RASEF: variants seen among roughly 807,000 people sequenced by gnomAD.
RASEF encodes the protein RAS and EF-hand domain containing.
RASEF carries 68 observed loss-of-function variants against 90.1 expected under a neutral mutation model. The observed-to-expected ratio is 0.75, with a 90% CI of 0.62 to 0.92. The LOEUF is 0.92. RASEF is among the 40% of genes least tolerant of loss of function. The pLI, the probability that RASEF is intolerant of heterozygous loss-of-function variation, is 0.00. For missense variants in RASEF, 949 were observed against 937.2 expected, an observed-to-expected ratio of 1.01 and a Z score of -0.16; for synonymous variants, 331 against 345.2, an observed-to-expected ratio of 0.96 and a Z score of 0.46.
At chr9:83,216,136 T>G in the RASEF span, among the ~76,000 whole-genome samples, 1 of 152,188 alleles carries the variant, frequency 6.6e-6, no homozygotes, top group Non-Finnish European at 1.5e-5. Context: ...TCAGAAAATT[T>G]GCAGCCTGAC....
At chr9:82,983,124 C>T (rs1828646110) in intron 16 of RASEF, among the ~76,000 whole-genome samples, 2 of 134,520 alleles carry the variant, frequency 1.5e-5, no homozygotes, top group African/African-American at 3.1e-5. Context: ...CACACACACA[C>T]ACACACACAC....
chr9:83,011,550 CAAAAAAAAAAAAAA>C (rs71363083), intron 5 of RASEF, among the ~76,000 whole-genome samples: 25 of 28,108 alleles, frequency 8.9e-4, no homozygotes, highest in Admixed American at 1.9e-3. Context: ...GACTCCATCT[CAAAAAAAAAAAAAA>C]AAAAAAAAAA....
intron 1 of RASEF, 128 bp from the exon 2 acceptor site, chr9:83,026,049 C>A: frequency 1.4e-6 from 1 of 696,228 alleles, no homozygotes; most frequent in Non-Finnish European, 2.3e-6. Context: ...ACAGAATGAA[C>A]GGAAGGAAGG....
At chr9:82,990,612 C>T (rs944493139) in intron 15 of RASEF, 145 bp from the exon 16 acceptor site, 8 of 559,364 alleles carry the variant, frequency 1.4e-5, no homozygotes, top group Non-Finnish European at 2.5e-5. Flanking sequence ...TTCAGAGTTC[C>T]AGTACTTACA....
rs117584471 is a variant in RASEF, at chr9:83,020,404, A to T, written c.669+1932T>A. ...GAGCCATGTGGAATGGAAGGAAATG[A>T]GGGAAAAATCTTAGACTGGCCTGGG... On this transcript the variant is annotated intron_variant, in intron 3 of 16. Coordinates refer to ENST00000376447, the MANE Select transcript of RASEF (RefSeq NM_152573.4). Among the ~76,000 whole-genome samples the T allele has an allele frequency of 1.3e-3, 199 of 152,316 alleles. 4 individuals are homozygous for T. In the East Asian group the frequency reaches 0.031, roughly 23 times the overall value.
At chr9:83,175,889 G>A in the RASEF span, among the ~76,000 whole-genome samples, 1 of 152,174 alleles carries the variant, frequency 6.6e-6, no homozygotes, top group Non-Finnish European at 1.5e-5. Context: ...TATTTCAAAT[G>A]TACTGAAGCT....
the RASEF span, among the ~76,000 whole-genome samples, chr9:83,174,476 T>C: frequency 6.6e-6 from 1 of 152,168 alleles, no homozygotes; most frequent in African/African-American, 2.4e-5. Context: ...TTATTTCTGG[T>C]CTCTCTGTTC....
At position 83,048,531 on chromosome 9, in the gene RASEF, C is replaced by CA. The variant is rs998086032; in HGVS notation, c.431+13905dup. 9.4e-4 allele frequency: 832 copies of CA among 888,902 alleles called. 1 individual carries two copies. Among genetic ancestry groups the CA allele is most frequent in the South Asian group, 7.9e-3 (152 of 19,188 alleles). The allele number at this position is 888,902 out of a possible 1,614,324, so 55.1% of individuals were successfully genotyped here. ...TGCAGTCCTGGGCATACAGTGGATA[C>CA]AAAAAAAAAAGTTTAAGTGAAGGAA... is the stretch of plus-strand genomic sequence containing the variant. On this transcript the variant is annotated intron_variant, in intron 1 of 16. Transcript: ENST00000376447.
In RASEF at chr9:82,997,028, C is replaced by T. The variant is rs1030043632; in HGVS notation, c.1904G>A (p.Trp635Ter). 1.9e-6 allele frequency: 3 copies of T among 1,592,582 alleles called. No individual in the cohort carries two copies. Among genetic ancestry groups the T allele is most frequent in the Admixed American group, 1.7e-5 (1 of 59,992 alleles). The part of the protein sequence containing the change: ...CEKSFLNIRE[W>*]VDMIEDAAHE... Reference sequence around the variant, plus strand: ...ATTTCTTACCTCAATCATATCTACCCATTCTCGTATGTTAAGAAAGCTTTT... The same window carrying T: ...ATTTCTTACCTCAATCATATCTACCTATTCTCGTATGTTAAGAAAGCTTTT... Residue 635 changes from tryptophan to a stop codon, truncating the protein, a stop_gained, in exon 14 of 17, where the codon TGG becomes TAG. Transcript: ENST00000376447. LOFTEE classifies it high-confidence loss of function.
the RASEF span, among the ~76,000 whole-genome samples, chr9:83,195,480 C>T: frequency 1.3e-5 from 2 of 152,262 alleles, no homozygotes; most frequent in East Asian, 1.9e-4. Context: ...GTCAACCCAT[C>T]ATTCACTCAT....
intron 1 of RASEF, among the ~76,000 whole-genome samples, chr9:83,036,490 A>G (rs1297049994): frequency 6.6e-6 from 1 of 152,242 alleles, no homozygotes; most frequent in African/African-American, 2.4e-5. Flanking sequence ...CTCTTGCTAC[A>G]GTGAGTTGAC....
the RASEF span, among the ~76,000 whole-genome samples, chr9:83,161,652 A>T: frequency 1.4e-5 from 2 of 146,420 alleles, no homozygotes; most frequent in South Asian, 4.5e-4. Context: ...ACTGGTTTTG[A>T]AATGTGAGGA....
chr9:83,065,399 G>A (rs1279148445), upstream of RASEF, among the ~76,000 whole-genome samples: 1 of 152,136 alleles, frequency 6.6e-6, no homozygotes, highest in African/African-American at 2.4e-5. Flanking sequence ...CTGGCTGTTG[G>A]CTGGGCCATG....
chr9:83,166,114 T>C, the RASEF span, among the ~76,000 whole-genome samples: 1 of 152,204 alleles, frequency 6.6e-6, no homozygotes, highest in Non-Finnish European at 1.5e-5. Flanking sequence ...CTCTATAATC[T>C]GTTTCAGAAG....
the RASEF span, among the ~76,000 whole-genome samples, chr9:83,202,632 T>TGCTTG: frequency 6.6e-6 from 1 of 152,040 alleles, no homozygotes; most frequent in African/African-American, 2.4e-5. Flanking sequence ...CCCGCCACTA[T>TGCTTG]GCTTGGCTTG....
chr9:83,181,720 T>G, the RASEF span, among the ~76,000 whole-genome samples: 1 of 152,226 alleles, frequency 6.6e-6, no homozygotes, highest in Non-Finnish European at 1.5e-5. Flanking sequence ...CACTCTTACT[T>G]TCCTTTTGTC....
chr9:83,010,137 A>G (rs1222042488), intron 5 of RASEF, among the ~76,000 whole-genome samples: 1 of 152,196 alleles, frequency 6.6e-6, no homozygotes, highest in African/African-American at 2.4e-5. Context: ...AATCAACAGT[A>G]CCTATTACCA....
At chr9:83,040,903 C>T (rs1829827809) in intron 1 of RASEF, among the ~76,000 whole-genome samples, 1 of 152,170 alleles carries the variant, frequency 6.6e-6, no homozygotes, top group South Asian at 2.1e-4. Flanking sequence ...TCTTGTCGCC[C>T]AGGCTGGAGT....
the RASEF span, among the ~76,000 whole-genome samples, chr9:83,202,498 T>C: frequency 4.6e-5 from 7 of 152,088 alleles, no homozygotes; most frequent in Admixed American, 1.3e-4. Flanking sequence ...TTTTTTGAGG[T>C]GGAGTCTCAC....
Sources: allele counts gnomAD v4.1 joint callset (sites outside exome capture counted in the v4.1 genomes callset), GRCh38; gene constraint gnomAD v4.1.1; transcripts MANE v1.5; gene names NCBI Gene and HGNC (gene_info 2026-07-23, HGNC 2026-07-21).